Variants in SLC25A48 observed in about 807,000 individuals in gnomAD.
The protein encoded by SLC25A48 is solute carrier family 25 member 48.
A neutral mutation model predicts 32.2 loss-of-function variants in SLC25A48; 29 were observed. That is an observed-to-expected ratio of 0.90 (90% CI 0.67 to 1.23). The LOEUF is 1.23. Among genes scored for constraint, SLC25A48 ranks in the 50% most tolerant of loss-of-function variants. The pLI is 0.00. For synonymous variants in SLC25A48, 164 were observed against 172.3 expected, an observed-to-expected ratio of 0.95 and a Z score of 0.38; for missense variants, 399 against 422.7, an observed-to-expected ratio of 0.94 and a Z score of 0.49.
chr5:135,614,638 A>G (rs1301554571), intron 1 of SLC25A48, among the ~76,000 whole-genome samples: 1 of 152,180 alleles, frequency 6.6e-6, no homozygotes, highest in African/African-American at 2.4e-5. Flanking sequence ...ACCTATTGAA[A>G]TGATCATATG....
At chr5:135,857,903 A>G (rs561804031) in intron 4 of SLC25A48, among the ~76,000 whole-genome samples, 3 of 152,214 alleles carry the variant, frequency 2.0e-5, no homozygotes, top group East Asian at 3.9e-4. Context: ...GGATCCTTAA[A>G]GGGCCTTAAA....
Position 135,667,978 on chromosome 5 carries a change from T to C in SLC25A48, c.-521+33022T>C, listed in dbSNP as rs185021395. 5.3e-3 allele frequency among the ~76,000 whole-genome samples: 810 copies of C among 152,330 alleles called. 24 individuals carry two copies. The highest frequency in any genetic ancestry group is 0.047 in the Admixed American group (722 of 15,302). On this transcript the variant is annotated intron_variant, in intron 3 of 10. Coordinates refer to the SLC25A48 transcript ENST00000646290. Reference sequence around the variant, plus strand: ...CTTTGTGACTGCTCTTTCCTGAGTATAAAATCTATTTAGAAATTTCTGGGG... The same window carrying C: ...CTTTGTGACTGCTCTTTCCTGAGTACAAAATCTATTTAGAAATTTCTGGGG...
chr5:135,604,292 C>T (rs950980652), intron 1 of SLC25A48, among the ~76,000 whole-genome samples: 16 of 152,342 alleles, frequency 1.1e-4, no homozygotes, highest in Middle Eastern at 3.4e-3. Flanking sequence ...CTGTACTTTA[C>T]CCAGCCCAGG....
intron 3 of SLC25A48, among the ~76,000 whole-genome samples, chr5:135,711,277 G>A (rs1272407968): frequency 1.1e-4 from 16 of 152,322 alleles, no homozygotes; most frequent in African/African-American, 3.8e-4. Context: ...TGCACTTTGG[G>A]AAGCTTGGGA....
intron 7 of SLC25A48, among the ~76,000 whole-genome samples, chr5:135,881,236 A>G (rs1226155964): frequency 6.6e-6 from 1 of 152,262 alleles, no homozygotes; most frequent in Non-Finnish European, 1.5e-5. Context: ...GCCATTTGAC[A>G]TCAGTCTTGG....
At chr5:135,692,276 A>C (rs1754163807) in intron 3 of SLC25A48, among the ~76,000 whole-genome samples, 1 of 144,732 alleles carries the variant, frequency 6.9e-6, no homozygotes, top group Admixed American at 7.2e-5. Flanking sequence ...CCGAGATCAC[A>C]CCACTGCACT....
At chr5:135,720,791 G>T (rs998378817) in intron 3 of SLC25A48, among the ~76,000 whole-genome samples, 7 of 152,152 alleles carry the variant, frequency 4.6e-5, no homozygotes, top group African/African-American at 1.7e-4. Context: ...GAGCAGGGTG[G>T]TGTAGGGAAG....
At chr5:135,653,112 T>C (rs1032510873) in intron 3 of SLC25A48, among the ~76,000 whole-genome samples, 1 of 152,234 alleles carries the variant, frequency 6.6e-6, no homozygotes, top group African/African-American at 2.4e-5. Context: ...CCACACAAGA[T>C]GCTGGCACCC....
chr5:135,609,158 C>T (rs1416695859), intron 1 of SLC25A48, among the ~76,000 whole-genome samples: 1 of 152,208 alleles, frequency 6.6e-6, no homozygotes, highest in African/African-American at 2.4e-5. Context: ...ACTTGTTTTT[C>T]CATCTCTAAC....
rs577343613 is a variant in SLC25A48, at chr5:135,735,004, G to A, written c.-520-77519G>A. Among the ~76,000 whole-genome samples the A allele has an allele frequency of 2.3e-3, 343 of 152,254 alleles. 1 individual carries two copies. Among genetic ancestry groups the A allele is most frequent in the African/African-American group, 7.9e-3 (328 of 41,542 alleles). ...AGAGCCTTGGGCCAGAGTTCCAGGG[G>A]CTCTGGGAGTGGCTGCCAGGCGAGT... On this transcript the variant is annotated intron_variant, in intron 3 of 10. Coordinates refer to the SLC25A48 transcript ENST00000646290.
At chr5:135,644,454 C>T (rs1337436036) in intron 3 of SLC25A48, among the ~76,000 whole-genome samples, 1 of 152,120 alleles carries the variant, frequency 6.6e-6, no homozygotes, top group East Asian at 1.9e-4. Flanking sequence ...CCCAGGTGCA[C>T]ATGTCTCTAG....
At chr5:135,849,614 G>A (rs376241279) in intron 2 of SLC25A48, among the ~76,000 whole-genome samples, 6 of 152,156 alleles carry the variant, frequency 3.9e-5, no homozygotes, top group Non-Finnish European at 7.3e-5. Context: ...AGTAACACAG[G>A]TGGTCCTACC....
chr5:135,634,656 T>C (rs572338659), intron 2 of SLC25A48: 1 of 152,352 alleles, frequency 6.6e-6, no homozygotes, highest in East Asian at 1.9e-4. Flanking sequence ...TTGACACCTG[T>C]GTTTAGAAAG....
At chr5:135,704,211 G>A (rs1403342213) in intron 3 of SLC25A48, among the ~76,000 whole-genome samples, 1 of 152,182 alleles carries the variant, frequency 6.6e-6, no homozygotes, top group African/African-American at 2.4e-5. Context: ...CCTTTGCTAT[G>A]GAGCAAATTC....
At chr5:135,860,714 G>A (rs1045801721) in intron 4 of SLC25A48, among the ~76,000 whole-genome samples, 2 of 152,212 alleles carry the variant, frequency 1.3e-5, no homozygotes, top group Admixed American at 6.5e-5. Context: ...CCCAATCCAT[G>A]TGTTGACTGT....
At chr5:135,871,204 G>T (rs1340480108) in intron 4 of SLC25A48, among the ~76,000 whole-genome samples, 2 of 152,122 alleles carry the variant, frequency 1.3e-5, no homozygotes, top group Non-Finnish European at 2.9e-5. Context: ...TTCGAAAGAA[G>T]TAGTGGTATT....
intron 1 of SLC25A48, among the ~76,000 whole-genome samples, chr5:135,840,284 A>G (rs1758884761): frequency 6.6e-6 from 1 of 152,210 alleles, no homozygotes; most frequent in African/African-American, 2.4e-5. Flanking sequence ...TTACCATGGA[A>G]GCAGGAGGTA....
intron 3 of SLC25A48, among the ~76,000 whole-genome samples, chr5:135,745,800 C>A (rs7379070): frequency 6.6e-6 from 1 of 151,986 alleles, no homozygotes; most frequent in Non-Finnish European, 1.5e-5. Context: ...GGTCAACACA[C>A]TTCTGTTGAA....
intron 3 of SLC25A48, among the ~76,000 whole-genome samples, chr5:135,702,532 C>A (rs1010136180): frequency 6.6e-6 from 1 of 152,238 alleles, no homozygotes; most frequent in Non-Finnish European, 1.5e-5. Context: ...GGATTCCTGG[C>A]CTCCAAACTA....
Sources: gnomAD v4.1 joint callset for allele counts (sites outside exome capture counted in the v4.1 genomes callset) on GRCh38, gnomAD v4.1.1 for gene constraint, MANE v1.5 for transcripts, NCBI Gene and HGNC (gene_info 2026-07-23, HGNC 2026-07-21) for gene names.